Variants in INPP5A observed in about 807,000 individuals in gnomAD.
The protein encoded by INPP5A is inositol polyphosphate-5-phosphatase A.
INPP5A carries 14 observed loss-of-function variants against 65.2 expected under a neutral mutation model. The observed-to-expected ratio is 0.21, with a 90% CI of 0.14 to 0.34. The LOEUF (loss-of-function observed/expected upper bound fraction) is 0.34. Ranked by LOEUF, INPP5A falls within the 10% of genes least tolerant of loss-of-function variation. The pLI is 1.00. For missense variants in INPP5A, 431 were observed against 545.6 expected, an observed-to-expected ratio of 0.79 and a Z score of 2.09; for synonymous variants, 207 against 208.3, an observed-to-expected ratio of 0.99 and a Z score of 0.05.
chr10:132,754,131 G>T (rs940870982), intron 11 of INPP5A, among the ~76,000 whole-genome samples: 1 of 152,162 alleles, frequency 6.6e-6, no homozygotes, highest in African/African-American at 2.4e-5. Context: ...GGCTGAGCAG[G>T]GACATGCCAG....
At chr10:132,632,252 A>G (rs1241682678) in intron 2 of INPP5A, among the ~76,000 whole-genome samples, 1 of 152,208 alleles carries the variant, frequency 6.6e-6, no homozygotes, top group Non-Finnish European at 1.5e-5. Context: ...AGAGGCTCCC[A>G]GGCCAGCCCT....
chr10:132,736,795 A>G (rs140222370), intron 9 of INPP5A, among the ~76,000 whole-genome samples: 2,695 of 152,338 alleles, frequency 0.018, 41 homozygotes, highest in South Asian at 0.039. Context: ...AGTAGGTAAC[A>G]TCGCACCTGG....
intron 1 of INPP5A, among the ~76,000 whole-genome samples, chr10:132,576,255 C>A (rs1403276088): frequency 1.3e-5 from 2 of 152,212 alleles, no homozygotes; most frequent in Non-Finnish European, 2.9e-5. Context: ...GCCCCTCCTG[C>A]CCCCAGGACA....
At chr10:132,756,825 TG>T (rs1404868348) in intron 11 of INPP5A, among the ~76,000 whole-genome samples, 2 of 152,164 alleles carry the variant, frequency 1.3e-5, no homozygotes, top group African/African-American at 4.8e-5. Context: ...TGCATGCGGG[TG>T]GTTGCCCCTG....
intron 1 of INPP5A, among the ~76,000 whole-genome samples, chr10:132,600,925 A>G (rs1388211854): frequency 6.6e-6 from 1 of 152,222 alleles, no homozygotes; most frequent in Non-Finnish European, 1.5e-5. Context: ...CTCCCACAAC[A>G]CATGGGAATT....
intron 4 of INPP5A, among the ~76,000 whole-genome samples, chr10:132,653,821 C>T (rs1200329263): frequency 1.3e-5 from 2 of 152,136 alleles, no homozygotes; most frequent in Non-Finnish European, 2.9e-5. Context: ...CAGCCTTCAG[C>T]GCGGGGAGCA....
intron 4 of INPP5A, among the ~76,000 whole-genome samples, chr10:132,657,268 C>G (rs548468082): frequency 6.6e-6 from 1 of 152,222 alleles, no homozygotes; most frequent in Admixed American, 6.5e-5. Flanking sequence ...GCTAGCGCTG[C>G]CTTTGCACCT....
rs547417856 is a variant in INPP5A at position 132,573,294 on chromosome 10, G to A, written c.76-34621G>A. 5.6e-5 allele frequency among the ~76,000 whole-genome samples: 8 copies of A among 143,530 alleles called. No individual in the cohort carries two copies. The East Asian group carries it at 1.5e-3, about 28-fold the overall frequency. The allele number at this position is 143,530 out of a possible 152,430, so 94.2% of individuals were successfully genotyped here. A position where few individuals can be genotyped will look rare whatever the true frequency, so the allele number is the denominator to read the frequency against. On this transcript the variant is annotated intron_variant, in intron 1 of 15. Transcript: ENST00000368594. Reference sequence around the variant, plus strand: ...TGAGGTTTTGTTGATGTTGGGGTGTGTGTGCTGTGTGAGGTTTTGTTGAGA... The same window carrying A: ...TGAGGTTTTGTTGATGTTGGGGTGTATGTGCTGTGTGAGGTTTTGTTGAGA...
At chr10:132,709,493 G>A (rs1252470708) in intron 7 of INPP5A, among the ~76,000 whole-genome samples, 4 of 152,124 alleles carry the variant, frequency 2.6e-5, no homozygotes, top group Admixed American at 1.3e-4. Context: ...AGGCAGTGCA[G>A]GCTGCAGGCT....
At chr10:132,561,696 T>A (rs1025364361) in intron 1 of INPP5A, among the ~76,000 whole-genome samples, 1 of 151,338 alleles carries the variant, frequency 6.6e-6, no homozygotes, top group Admixed American at 6.6e-5. Context: ...ATTTCTGTTT[T>A]GATTTTAGGA....
rs113425169 is a variant in INPP5A at position 132,584,816 on chromosome 10, T to C, written c.76-23099T>C. ...AGTGGCCCACTCACAGTTCCCTGCC[T>C]CAACCTCCTAGGCTCAAGCAGTCAT... On this transcript the variant is annotated intron_variant, in intron 1 of 15. Transcript: ENST00000368594. 3.0e-3 allele frequency among the ~76,000 whole-genome samples: 452 copies of C among 152,334 alleles called. 2 individuals are homozygous for C. The highest frequency in any genetic ancestry group is 0.011 in the African/African-American group (440 of 41,584).
chr10:132,717,601 T>C (rs1845763874), intron 8 of INPP5A, among the ~76,000 whole-genome samples: 1 of 150,748 alleles, frequency 6.6e-6, no homozygotes, highest in Non-Finnish European at 1.5e-5. Context: ...GGTTCTGTGG[T>C]ACCTGGGTTC....
At chr10:132,567,238 A>G (rs2071284170) in intron 1 of INPP5A, among the ~76,000 whole-genome samples, 1 of 152,256 alleles carries the variant, frequency 6.6e-6, no homozygotes, top group Non-Finnish European at 1.5e-5. Context: ...ATTCTGCAGA[A>G]GCAGGAAGGA....
chr10:132,618,495 T>C (rs1365290409), intron 2 of INPP5A, among the ~76,000 whole-genome samples: 1 of 152,222 alleles, frequency 6.6e-6, no homozygotes, highest in African/African-American at 2.4e-5. Context: ...TATTGCTCAT[T>C]TTAAAGTCTT....
intron 8 of INPP5A, among the ~76,000 whole-genome samples, chr10:132,720,606 T>G (rs183749162): frequency 3.1e-4 from 47 of 150,976 alleles, no homozygotes; most frequent in African/African-American, 1.1e-3. Context: ...GACGGCTGTC[T>G]TCAGGGTTCT....
At chr10:132,681,468 C>T (rs914955266) in intron 4 of INPP5A, among the ~76,000 whole-genome samples, 2 of 152,228 alleles carry the variant, frequency 1.3e-5, no homozygotes, top group African/African-American at 4.8e-5. Flanking sequence ...CCGAACACAT[C>T]TGAACATCAG....
At chr10:132,689,118 C>T (rs1032254204) in intron 4 of INPP5A, among the ~76,000 whole-genome samples, 9 of 152,204 alleles carry the variant, frequency 5.9e-5, no homozygotes, top group Admixed American at 2.6e-4. Flanking sequence ...AGGTGATACT[C>T]AGGCGTTGCC....
At position 132,538,153 on chromosome 10, in the gene INPP5A, G is replaced by A. The variant is rs1367044787; in HGVS notation, c.57G>A (p.Val19=). ...GTAVLLVTAN[V]GSLFDDPENL... ...CGGTGCTGCTGGTCACGGCCAACGTGGGCTCGCTCTTCGACGACGTAAGTC... is the reference window on the plus strand; with the variant it reads ...CGGTGCTGCTGGTCACGGCCAACGTAGGCTCGCTCTTCGACGACGTAAGTC... The change falls in exon 1 of 16, where the codon GTG becomes GTA. Residue 19 remains valine, a synonymous_variant. Transcript: ENST00000368594. This position sits in a 1 kb window ranked among gnomAD's most constrained non-coding sequence, Gnocchi z 4.1. 2 of 1,281,870 alleles carry A rather than the reference G, an allele frequency of 1.6e-6. No homozygotes were observed. Among genetic ancestry groups the A allele is most frequent in the South Asian group, 5.2e-5 (2 of 38,584 alleles). The allele number at this position is 1,281,870 out of a possible 1,614,324, so 79.4% of individuals were successfully genotyped here. A position where few individuals can be genotyped will look rare whatever the true frequency, so the allele number is the denominator to read the frequency against.
chr10:132,637,141 C>T lies in INPP5A; in HGVS notation c.118-8727C>T, dbSNP rs1267248406. On this transcript the variant is annotated intron_variant, in intron 2 of 15. Transcript: ENST00000368594. This position sits in a 1 kb window ranked among gnomAD's most constrained non-coding sequence, Gnocchi z 4.1. The stretch of plus-strand genomic sequence containing the variant: ...CCATGTTGGCCAGGATGGTCTTGAT[C>T]TCCTGACCTTGTGGTTGATCCGCCC... Among the ~76,000 whole-genome samples, 3 of 152,220 alleles carry T rather than the reference C, an allele frequency of 2.0e-5. No individual in the cohort carries two copies. The highest frequency in any genetic ancestry group is 7.2e-5 in the African/African-American group (3 of 41,448).
Sources: allele counts gnomAD v4.1 joint callset (sites outside exome capture counted in the v4.1 genomes callset), GRCh38; gene constraint gnomAD v4.1.1; non-coding constraint Gnocchi (gnomAD v3.1); transcripts MANE v1.5; gene names NCBI Gene and HGNC (gene_info 2026-07-23, HGNC 2026-07-21).